PIP4K2A: variants seen among roughly 807,000 people sequenced by gnomAD.
PIP4K2A encodes the protein phosphatidylinositol 5-phosphate 4-kinase type-2 alpha.
Under a neutral mutation model 42.9 loss-of-function variants are expected in PIP4K2A, and 14 were observed. The observed-to-expected ratio is 0.33, with a 90% CI of 0.22 to 0.51. PIP4K2A has a LOEUF of 0.51. Ranked by LOEUF, PIP4K2A falls within the 20% of genes least tolerant of loss-of-function variation. The pLI is 0.97. For synonymous variants in PIP4K2A, 192 were observed against 192.2 expected (o/e 1.00, Z 0.01); for missense variants, 434 against 519.8 (o/e 0.83, Z 1.61).
chr10:22,602,025 G>C (rs1009522052), intron 3 of PIP4K2A, among the ~76,000 whole-genome samples: 3 of 152,086 alleles, frequency 2.0e-5, no homozygotes, highest in African/African-American at 7.2e-5. Context: ...TGGCTCACTG[G>C]GATTTCATGG....
chr10:22,660,159 G>A (rs1447996843), intron 1 of PIP4K2A, among the ~76,000 whole-genome samples: 1 of 152,060 alleles, frequency 6.6e-6, no homozygotes, highest in African/African-American at 2.4e-5. Flanking sequence ...TGTGCCTGGC[G>A]CATAATCAGT....
At chr10:22,625,169 G>A (rs979727939) in intron 1 of PIP4K2A, among the ~76,000 whole-genome samples, 9 of 152,130 alleles carry the variant, frequency 5.9e-5, no homozygotes, top group African/African-American at 2.2e-4. Context: ...AAATCTTTGT[G>A]GGGTGTATTT....
rs1417297561 is a variant in PIP4K2A, at chr10:22,556,467, GTAA to G, written c.679-5698_679-5696del. ...AAATTGGACTGGTTAAATTCCTGAAGTAATAAAGAATTTGAAATTTATGATCTT... is the reference window on the plus strand; with the variant it reads ...AAATTGGACTGGTTAAATTCCTGAAGTAAAGAATTTGAAATTTATGATCTT... On this transcript the variant is annotated intron_variant, in intron 6 of 9. Transcript: ENST00000376573. Among the ~76,000 whole-genome samples the G allele has an allele frequency of 2.6e-5, 4 of 152,244 alleles. No homozygotes were observed. The East Asian group carries it at 5.8e-4, about 22-fold the overall frequency.
At chr10:22,664,210 T>TATACATAC (rs1839301245) in intron 1 of PIP4K2A, among the ~76,000 whole-genome samples, 2 of 53,226 alleles carry the variant, frequency 3.8e-5, no homozygotes, top group Non-Finnish European at 6.4e-5. Context: ...TATACATATA[T>TATACATAC]ATATATACAT....
intron 1 of PIP4K2A, chr10:22,694,182 C>G (rs1839925555): frequency 6.6e-6 from 1 of 151,996 alleles, no homozygotes; most frequent in Non-Finnish European, 1.5e-5. Context: ...TGTGTATAGG[C>G]GAGGGGTAAG....
chr10:22,614,539 T>A (rs912819076), intron 1 of PIP4K2A, among the ~76,000 whole-genome samples: 5 of 152,164 alleles, frequency 3.3e-5, no homozygotes. Flanking sequence ...CTTCGTCAGG[T>A]GGTAGCTAGA....
At chr10:22,637,114 G>A (rs1205930101) in intron 1 of PIP4K2A, among the ~76,000 whole-genome samples, 1 of 152,216 alleles carries the variant, frequency 6.6e-6, no homozygotes, top group African/African-American at 2.4e-5. Flanking sequence ...ATGTAGGGTA[G>A]CAAGGAAGAG....
intron 1 of PIP4K2A, among the ~76,000 whole-genome samples, chr10:22,712,883 AG>A (rs1833934481): frequency 6.6e-6 from 1 of 151,810 alleles, no homozygotes; most frequent in Non-Finnish European, 1.5e-5. Context: ...CGATGCTTTT[AG>A]GCATTTTAAA....
At position 22,536,021 on chromosome 10, in the gene PIP4K2A, T is replaced by G. The variant is rs1048321423; in HGVS notation, c.*1180A>C. 1 of 398,140 alleles carries G rather than the reference T, an allele frequency of 2.5e-6. No individual in the cohort carries two copies. The highest frequency in any genetic ancestry group is 1.3e-4 in the South Asian group (1 of 7,774). The allele number at this position is 398,140 out of a possible 1,614,324, so 24.7% of individuals were successfully genotyped here. A position where few individuals can be genotyped will look rare whatever the true frequency, so the allele number is the denominator to read the frequency against. Reference sequence around the variant, plus strand: ...AACGTTATTTCACCTATACTGTGACTTTACATGTAAACTTCAAAAATCACA... The same window carrying G: ...AACGTTATTTCACCTATACTGTGACGTTACATGTAAACTTCAAAAATCACA... On this transcript the variant is annotated 3_prime_UTR_variant, in exon 10 of 10. Coordinates refer to ENST00000376573, the MANE Select transcript of PIP4K2A (RefSeq NM_005028.5).
chr10:22,648,994 C>A (rs759988800), intron 1 of PIP4K2A, among the ~76,000 whole-genome samples: 11 of 152,260 alleles, frequency 7.2e-5, no homozygotes, highest in Non-Finnish European at 1.2e-4. Flanking sequence ...CCATAAAATA[C>A]CAGTTTTTAG....
chr10:22,712,934 G>C (rs975930044), intron 1 of PIP4K2A, among the ~76,000 whole-genome samples: 1 of 151,700 alleles, frequency 6.6e-6, no homozygotes, highest in Non-Finnish European at 1.5e-5. Context: ...GTGTGTGTGT[G>C]TGTGTGTCTG....
At position 22,657,647 on chromosome 10, in the gene PIP4K2A, T is replaced by A. The variant is rs545849624; in HGVS notation, c.145-47930A>T. 2.6e-5 allele frequency among the ~76,000 whole-genome samples: 4 copies of A among 152,362 alleles called. No individual in the cohort carries two copies. The East Asian group carries it at 5.8e-4, about 22-fold the overall frequency. ...AAAGAGTCTTTAGCCTTGATATAAA[T>A]GTCTTCTGAAAGAATATGCTTCACC... On this transcript the variant is annotated intron_variant, in intron 1 of 9. Coordinates refer to ENST00000376573, the MANE Select transcript of PIP4K2A (RefSeq NM_005028.5).
chr10:22,662,118 G>A (rs891111860), intron 1 of PIP4K2A, among the ~76,000 whole-genome samples: 2 of 152,194 alleles, frequency 1.3e-5, no homozygotes, highest in Non-Finnish European at 2.9e-5. Context: ...AAGCAGAGGG[G>A]AAAAGCTGTC....
chr10:22,668,004 T>C (rs1839383086), intron 1 of PIP4K2A, among the ~76,000 whole-genome samples: 1 of 151,838 alleles, frequency 6.6e-6, no homozygotes, highest in African/African-American at 2.4e-5. Context: ...CAGGCTGGAC[T>C]GTAATGGCAT....
intron 7 of PIP4K2A, among the ~76,000 whole-genome samples, chr10:22,543,337 A>G (rs1836176821): frequency 6.6e-6 from 1 of 152,156 alleles, no homozygotes. Context: ...CTGCCTTCCC[A>G]ACAGGAATCC....
chr10:22,612,219 T>A (rs1838061290), intron 1 of PIP4K2A, among the ~76,000 whole-genome samples: 1 of 152,224 alleles, frequency 6.6e-6, no homozygotes, highest in Non-Finnish European at 1.5e-5. Flanking sequence ...CCAGTCTTTG[T>A]CCTCTTGGGG....
At chr10:22,538,957 T>C (rs954871868) in intron 9 of PIP4K2A, among the ~76,000 whole-genome samples, 9 of 152,178 alleles carry the variant, frequency 5.9e-5, no homozygotes, top group Admixed American at 5.9e-4. Context: ...GAGTTTTTGG[T>C]TCTGGTGAAT....
intron 1 of PIP4K2A, among the ~76,000 whole-genome samples, chr10:22,695,833 ATAT>A (rs1839958987): frequency 6.6e-6 from 1 of 152,072 alleles, no homozygotes; most frequent in Admixed American, 6.5e-5. Flanking sequence ...GCTTTTACTT[ATAT>A]TATTTTTCAT....
chr10:22,707,056 G>A (rs1441647523), intron 1 of PIP4K2A, among the ~76,000 whole-genome samples: 1 of 152,080 alleles, frequency 6.6e-6, no homozygotes, highest in Non-Finnish European at 1.5e-5. Flanking sequence ...GCTGAGGTGA[G>A]AGGATTGCTT....
Sources: gnomAD v4.1 joint callset for allele counts (sites outside exome capture counted in the v4.1 genomes callset) on GRCh38, gnomAD v4.1.1 for gene constraint, MANE v1.5 for transcripts, NCBI Gene and HGNC (gene_info 2026-07-23, HGNC 2026-07-21) for gene names.